Variants in CYS1 observed in about 807,000 individuals in gnomAD.
The protein encoded by CYS1 is cystin-1.
A neutral mutation model predicts 9.6 loss-of-function variants in CYS1; 5 were observed. The observed-to-expected ratio is 0.52, with a 90% CI of 0.27 to 1.10. CYS1 has a LOEUF of 1.10. Among genes scored for constraint, CYS1 ranks in the 50% least tolerant of loss-of-function variants. CYS1 has a pLI of 0.11. For synonymous variants in CYS1, 88 were observed against 95.7 expected (o/e 0.92, Z 0.47); for missense variants, 221 against 207.9 (o/e 1.06, Z -0.39).
At chr2:10,077,594 G>T (rs1661867931) in intron 1 of CYS1, among the ~76,000 whole-genome samples, 1 of 152,208 alleles carries the variant, frequency 6.6e-6, no homozygotes, top group Non-Finnish European at 1.5e-5. Context: ...GGAAGTCAAG[G>T]CGGGTGAATC....
At chr2:10,072,820 G>T (rs1661788601) in intron 1 of CYS1, among the ~76,000 whole-genome samples, 1 of 152,214 alleles carries the variant, frequency 6.6e-6, no homozygotes, top group Non-Finnish European at 1.5e-5. Flanking sequence ...CCACTGTAGG[G>T]CTTTGCAGGC....
intron 1 of CYS1, among the ~76,000 whole-genome samples, chr2:10,071,101 G>C (rs1661761722): frequency 6.6e-6 from 1 of 152,050 alleles, no homozygotes; most frequent in Non-Finnish European, 1.5e-5. Context: ...GAGTAGCTGG[G>C]ATTACAGGTG....
At chr2:10,061,068 CAA>C (rs1006980634) in intron 2 of CYS1, among the ~76,000 whole-genome samples, 3 of 152,164 alleles carry the variant, frequency 2.0e-5, no homozygotes. Flanking sequence ...CCCATCTCTA[CAA>C]AGAGTACAAA....
Position 10,056,890 on chromosome 2 carries a change from T to C in CYS1, c.*1963A>G, listed in dbSNP as rs1018547051. ...GGCTAGCTGCTATTCAGAAGACACT[T>C]CCTGAATTCAGGAAAAATTTTTTTA... is the stretch of plus-strand genomic sequence containing the variant. On this transcript the variant is annotated 3_prime_UTR_variant, in exon 3 of 3. Transcript: ENST00000381813. The C allele has an allele frequency of 1.3e-5, 2 of 152,242 alleles. No individual in the cohort carries two copies. The highest frequency in any genetic ancestry group is 4.8e-5 in the African/African-American group (2 of 41,466). The allele number at this position is 152,242 out of a possible 1,614,324, so 9.4% of individuals were successfully genotyped here.
At chr2:10,059,014 C>T (rs773192474) in intron 2 of CYS1, 56 bp from the exon 3 acceptor site, 92 of 1,482,168 alleles carry the variant, frequency 6.2e-5, no homozygotes, top group Non-Finnish European at 8.0e-5. Context: ...CGTTCACACT[C>T]ATTTCCCCTG....
intron 2 of CYS1, 129 bp from the exon 3 acceptor site, chr2:10,059,087 C>T: frequency 1.3e-6 from 1 of 791,524 alleles, no homozygotes; most frequent in Non-Finnish European, 2.1e-6. Flanking sequence ...TGCCCTGGGA[C>T]ACCCTGTGGC....
chr2:10,072,165 C>T (rs1389295560), intron 1 of CYS1, among the ~76,000 whole-genome samples: 6 of 152,046 alleles, frequency 3.9e-5, no homozygotes, highest in Non-Finnish European at 8.8e-5. Context: ...CTCACTGCAA[C>T]CTCTGCTCCT....
rs187408318 is a variant in CYS1 at position 10,059,097 on chromosome 2, C to T, written c.372-139G>A. The T allele has an allele frequency of 3.5e-4, 251 of 723,214 alleles. 1 individual carries two copies. The highest frequency in any genetic ancestry group is 4.9e-4 in the Non-Finnish European group (210 of 429,580). The allele number at this position is 723,214 out of a possible 1,614,324, so 44.8% of individuals were successfully genotyped here. A position where few individuals can be genotyped will look rare whatever the true frequency, so the allele number is the denominator to read the frequency against. On this transcript the variant is annotated intron_variant, in intron 2 of 2. Coordinates refer to ENST00000381813, the MANE Select transcript of CYS1 (RefSeq NM_001037160.3). Reference sequence around the variant, plus strand: ...GTCTTTGCCCTGGGACACCCTGTGGCGCTCTCGCCCAGCACATATCCACCA... The same window carrying T: ...GTCTTTGCCCTGGGACACCCTGTGGTGCTCTCGCCCAGCACATATCCACCA...
chr2:10,065,578 T>G (rs1482576398), intron 2 of CYS1, among the ~76,000 whole-genome samples: 1 of 152,210 alleles, frequency 6.6e-6, no homozygotes, highest in Non-Finnish European at 1.5e-5. Context: ...TGTTCCTAGA[T>G]CTGGCCACAG....
At chr2:10,072,061 C>T (rs1007286942) in intron 1 of CYS1, among the ~76,000 whole-genome samples, 2 of 151,264 alleles carry the variant, frequency 1.3e-5, no homozygotes, top group East Asian at 1.9e-4. Flanking sequence ...CTAAAGTTTT[C>T]GTGAAAATTA....
intron 2 of CYS1, among the ~76,000 whole-genome samples, chr2:10,065,103 G>A (rs1278489586): frequency 1.3e-5 from 2 of 151,982 alleles, no homozygotes; most frequent in South Asian, 2.1e-4. Context: ...TGCATTTCCC[G>A]AGACCATGCC....
Position 10,057,540 on chromosome 2 carries a change from G to A in CYS1, c.*1313C>T, listed in dbSNP as rs1436442638. The A allele has an allele frequency of 2.6e-5, 4 of 152,376 alleles. No homozygotes were observed. Among genetic ancestry groups the A allele is most frequent in the Admixed American group, 6.5e-5 (1 of 15,288 alleles). The allele number at this position is 152,376 out of a possible 1,614,324, so 9.4% of individuals were successfully genotyped here. On this transcript the variant is annotated 3_prime_UTR_variant, in exon 3 of 3. Coordinates refer to ENST00000381813, the MANE Select transcript of CYS1 (RefSeq NM_001037160.3). ...CTCTTCTCGGGAAAAAGAAAACGCT[G>A]GGGAGGCCTCCGTGTGGGCGGGTCA...
rs1661844808 is a variant in CYS1, at chr2:10,076,439, C to T, written c.318+3467G>A. On this transcript the variant is annotated intron_variant, in intron 1 of 2. Coordinates refer to ENST00000381813, the MANE Select transcript of CYS1 (RefSeq NM_001037160.3). The surrounding 1 kb of genome is among the most constrained non-coding windows in gnomAD (Gnocchi z 4.3). The stretch of plus-strand genomic sequence containing the variant: ...TGCACCGCCCTCCTTGTGTCCTATT[C>T]TCCATGAACTCCAGCCCAAGGCGCC... Among the ~76,000 whole-genome samples, 2 of 152,146 alleles carry T rather than the reference C, an allele frequency of 1.3e-5. 1 individual carries two copies. Among genetic ancestry groups the T allele is most frequent in the African/African-American group, 4.8e-5 (2 of 41,426 alleles).
intron 1 of CYS1, among the ~76,000 whole-genome samples, chr2:10,078,195 T>C (rs771461019): frequency 2.0e-5 from 3 of 151,824 alleles, no homozygotes; most frequent in Non-Finnish European, 4.4e-5. Flanking sequence ...CAACAATTCC[T>C]GAAACCATCT....
intron 2 of CYS1, 141 bp downstream of exon 2, chr2:10,065,763 G>A (rs1463105307): frequency 1.3e-6 from 1 of 777,606 alleles, no homozygotes; most frequent in East Asian, 2.6e-5. Flanking sequence ...GAGGGCTAGG[G>A]CTTTGCATTT....
chr2:10,068,832 C>G (rs1018749384), intron 1 of CYS1, among the ~76,000 whole-genome samples: 58 of 152,154 alleles, frequency 3.8e-4, no homozygotes, highest in Non-Finnish European at 6.3e-4. Context: ...GAGGCCGAGG[C>G]GGGTGGATCG....
intron 1 of CYS1, 39 bp downstream of exon 1, chr2:10,079,867 C>A: frequency 9.3e-7 from 1 of 1,079,274 alleles, no homozygotes; most frequent in East Asian, 5.5e-5. Context: ...TGAGTGGGGT[C>A]CCCGCCGTCC....
Position 10,063,788 on chromosome 2 carries a change from T to C in CYS1, c.371+2116A>G, listed in dbSNP as rs958713629. On this transcript the variant is annotated intron_variant, in intron 2 of 2. Transcript: ENST00000381813. The surrounding 1 kb of genome is among the most constrained non-coding windows in gnomAD (Gnocchi z 4.2). ...AGAAGCACAGTGGGTACAGGGCAGA[T>C]GCTGCCAGCCCTGACCCTGGGGCAG... Among the ~76,000 whole-genome samples, 1 of 152,166 alleles carries C rather than the reference T, an allele frequency of 6.6e-6. No homozygotes were observed. Among genetic ancestry groups the C allele is most frequent in the Admixed American group, 6.5e-5 (1 of 15,268 alleles).
rs1232612679 is a variant in CYS1, at chr2:10,057,237, C to T, written c.*1616G>A. 2.0e-5 allele frequency: 3 copies of T among 152,274 alleles called. No individual in the cohort carries two copies. The highest frequency in any genetic ancestry group is 4.4e-5 in the Non-Finnish European group (3 of 68,046). 9.4% of individuals were successfully genotyped at this position (152,274 alleles called of 1,614,324 possible). On this transcript the variant is annotated 3_prime_UTR_variant, in exon 3 of 3. Coordinates refer to ENST00000381813, the MANE Select transcript of CYS1 (RefSeq NM_001037160.3). Reference sequence around the variant, plus strand: ...ATTAAAATATAGTAACGACTTCCATCTTTACATCAAAAGAAACGGGCTTGC... The same window carrying T: ...ATTAAAATATAGTAACGACTTCCATTTTTACATCAAAAGAAACGGGCTTGC...
Sources: allele counts gnomAD v4.1 joint callset (sites outside exome capture counted in the v4.1 genomes callset), GRCh38; gene constraint gnomAD v4.1.1; non-coding constraint Gnocchi (gnomAD v3.1); transcripts MANE v1.5; gene names NCBI Gene and HGNC (gene_info 2026-07-23, HGNC 2026-07-21).